The following DOCK4 variants were observed in gnomAD, a reference collection of about 807,000 sequenced individuals.
The protein encoded by DOCK4 is dedicator of cytokinesis 4, also known as dedicator of cytokinesis protein 4.
In DOCK4, 97 loss-of-function variants were observed where a neutral mutation model predicts 268.1. The observed-to-expected ratio is 0.36, with a 90% CI of 0.31 to 0.43. DOCK4 has a LOEUF of 0.43. Ranked by LOEUF, DOCK4 falls within the 20% of genes least tolerant of loss-of-function variation. DOCK4 has a pLI of 1.00. For missense variants in DOCK4, 2,145 were observed against 2,455.7 expected (o/e 0.87, Z 2.67); for synonymous variants, 954 against 887.2 (o/e 1.08, Z -1.34).
At chr7:112,025,963 T>C (rs903356471) in intron 1 of DOCK4, among the ~76,000 whole-genome samples, 2 of 152,212 alleles carry the variant, frequency 1.3e-5, no homozygotes, top group African/African-American at 4.8e-5. Context: ...GGAACTCCCA[T>C]GATACCCAAT....
intron 1 of DOCK4, among the ~76,000 whole-genome samples, chr7:112,176,513 T>C (rs1586980456): frequency 6.6e-6 from 1 of 152,172 alleles, no homozygotes; most frequent in Non-Finnish European, 1.5e-5. Context: ...ATAAAATTTT[T>C]AGTGGCCCAT....
In DOCK4 at chr7:111,739,336, G is replaced by A; in HGVS notation, c.5122+60C>T. 4 of 1,595,022 alleles carry A rather than the reference G, an allele frequency of 2.5e-6. No homozygotes were observed. The South Asian group carries it at 4.4e-5, about 18-fold the overall frequency. ...CCTGAACGTGTGGCAGCTGGCCACA[G>A]TTCCCAGGACTAGAAGGTTCTCTGG... is the stretch of plus-strand genomic sequence containing the variant. On this transcript the variant is annotated intron_variant, in intron 48 of 52. Transcript: ENST00000428084.
intron 23 of DOCK4, among the ~76,000 whole-genome samples, chr7:111,848,789 C>G (rs1171243102): frequency 6.6e-6 from 1 of 152,108 alleles, no homozygotes; most frequent in African/African-American, 2.4e-5. Flanking sequence ...AGGAAAAACC[C>G]CCCTCTCCCA....
intron 39 of DOCK4, among the ~76,000 whole-genome samples, chr7:111,764,477 G>A (rs755477767): frequency 1.3e-5 from 2 of 152,100 alleles, no homozygotes; most frequent in African/African-American, 2.4e-5. Flanking sequence ...CAATGTTTTT[G>A]TACAAGGAAG....
chr7:111,755,465 A>G (rs756560686), intron 42 of DOCK4, 50 bp downstream of exon 42: 1 of 1,566,970 alleles, frequency 6.4e-7, no homozygotes, highest in Non-Finnish European at 8.8e-7. Context: ...CACAACTCCA[A>G]GTGAACAACT....
In DOCK4 at chr7:112,053,574, A is replaced by G. The variant is rs549571546; in HGVS notation, c.38-49443T>C. On this transcript the variant is annotated intron_variant, in intron 1 of 52. Coordinates refer to ENST00000428084, the MANE Select transcript of DOCK4 (RefSeq NM_001363540.2). ...GCTTAATTACAAAGTGTTGCAAAGC[A>G]TAGTCATAGTTTTAAAAGGGCTCTT... Among the ~76,000 whole-genome samples, 15 of 152,352 alleles carry G rather than the reference A, an allele frequency of 9.8e-5. No homozygotes were observed. In the South Asian group the frequency reaches 3.1e-3, roughly 32 times the overall value.
intron 37 of DOCK4, among the ~76,000 whole-genome samples, chr7:111,769,057 C>T (rs1018074805): frequency 6.6e-6 from 1 of 152,146 alleles, no homozygotes; most frequent in Non-Finnish European, 1.5e-5. Context: ...TGGCCCTCAC[C>T]AGACACTGTA....
At chr7:112,138,811 A>G (rs1157786955) in intron 1 of DOCK4, among the ~76,000 whole-genome samples, 2 of 152,158 alleles carry the variant, frequency 1.3e-5, no homozygotes, top group East Asian at 1.9e-4. Flanking sequence ...TAGTGCTCTT[A>G]TAAGAAAAGG....
At chr7:112,153,607 C>A (rs972456726) in intron 1 of DOCK4, among the ~76,000 whole-genome samples, 11 of 152,146 alleles carry the variant, frequency 7.2e-5, no homozygotes, top group Admixed American at 1.3e-4. Flanking sequence ...TCTGTTTCTC[C>A]ATCATGTATA....
intron 30 of DOCK4, among the ~76,000 whole-genome samples, chr7:111,791,069 AT>A (rs1230429327): frequency 8.3e-5 from 7 of 83,948 alleles, no homozygotes; most frequent in Middle Eastern, 4.8e-3. Context: ...AAAAAAAAAA[AT>A]TATATATATA....
intron 1 of DOCK4, among the ~76,000 whole-genome samples, chr7:112,193,593 T>C (rs1820161893): frequency 7.8e-6 from 1 of 128,636 alleles, no homozygotes; most frequent in Admixed American, 8.8e-5. Context: ...AGCCAGACCA[T>C]GCCTTAAAAA....
At chr7:111,963,089 G>A (rs949468565) in intron 8 of DOCK4, among the ~76,000 whole-genome samples, 1 of 152,208 alleles carries the variant, frequency 6.6e-6, no homozygotes, top group African/African-American at 2.4e-5. Flanking sequence ...TTTAACCGAT[G>A]AAGCCCTAGA....
chr7:111,780,100 C>A (rs150465130), intron 35 of DOCK4, among the ~76,000 whole-genome samples: 1 of 152,242 alleles, frequency 6.6e-6, no homozygotes, highest in Non-Finnish European at 1.5e-5. Flanking sequence ...TAATAATGGA[C>A]CGATCTAGCA....
At chr7:112,194,996 A>T (rs1820290245) in intron 1 of DOCK4, among the ~76,000 whole-genome samples, 1 of 152,162 alleles carries the variant, frequency 6.6e-6, no homozygotes, top group Non-Finnish European at 1.5e-5. Flanking sequence ...AACAAACTGG[A>T]GGCTGGGCGC....
intron 11 of DOCK4, among the ~76,000 whole-genome samples, chr7:111,938,964 ACT>A (rs1794972001): frequency 7.2e-6 from 1 of 138,328 alleles, no homozygotes; most frequent in Non-Finnish European, 1.5e-5. Context: ...ACAGAGCGAG[ACT>A]CTGTCTCAAA....
intron 1 of DOCK4, among the ~76,000 whole-genome samples, chr7:112,060,056 G>C (rs1270463481): frequency 6.6e-6 from 1 of 152,220 alleles, no homozygotes; most frequent in African/African-American, 2.4e-5. Flanking sequence ...CCAAGAGCTT[G>C]ACACCAAGTT....
At chr7:111,789,117 G>T in intron 31 of DOCK4, 1 of 238,286 alleles carries the variant, frequency 4.2e-6, no homozygotes, top group Non-Finnish European at 8.4e-6. Context: ...AGGACATCAG[G>T]AAACTAACAT....
chr7:111,831,414 C>T (rs1206162114), intron 26 of DOCK4, among the ~76,000 whole-genome samples: 2 of 152,164 alleles, frequency 1.3e-5, no homozygotes, highest in Non-Finnish European at 2.9e-5. Flanking sequence ...TAGGTTACTA[C>T]CTAAAATCTT....
At chr7:112,142,650 T>A (rs1815045520) in intron 1 of DOCK4, among the ~76,000 whole-genome samples, 2 of 152,200 alleles carry the variant, frequency 1.3e-5, no homozygotes, top group Admixed American at 1.3e-4. Context: ...TTTTTTAAAA[T>A]TAAATGTTAC....
Sources: allele counts gnomAD v4.1 joint callset (sites outside exome capture counted in the v4.1 genomes callset), GRCh38; gene constraint gnomAD v4.1.1; transcripts MANE v1.5; gene names NCBI Gene and HGNC (gene_info 2026-07-23, HGNC 2026-07-21).